The following PCBP3 variants were observed in gnomAD, a reference collection of about 807,000 sequenced individuals.
PCBP3 encodes poly(rC) binding protein 3, also known as poly(rC)-binding protein 3.
In PCBP3, 25 loss-of-function variants were observed where a neutral mutation model predicts 52.7. The ratio of observed to expected loss-of-function variants is 0.47; its 90% CI spans 0.35 to 0.66. The LOEUF (loss-of-function observed/expected upper bound fraction) is 0.66, where lower values mean the gene tolerates loss of function less well. Among genes scored for constraint, PCBP3 ranks in the 30% least tolerant of loss-of-function variants. The pLI, the probability that PCBP3 is intolerant of heterozygous loss-of-function variation, is 0.01. For missense variants in PCBP3, 391 were observed against 490.3 expected (o/e 0.80, Z 1.91); for synonymous variants, 162 against 183.0 (o/e 0.89, Z 0.93).
chr21:45,761,512 G>A (rs994753170), intron 4 of PCBP3: 1 of 152,230 alleles, frequency 6.6e-6, no homozygotes, highest in Non-Finnish European at 1.5e-5. Flanking sequence ...CCTGGACAGA[G>A]CATGTGACGG....
At chr21:45,863,636 G>A (rs915356078) in intron 5 of PCBP3, among the ~76,000 whole-genome samples, 14 of 152,216 alleles carry the variant, frequency 9.2e-5, no homozygotes, top group Non-Finnish European at 1.5e-4. Context: ...GGTGGAGAGC[G>A]AAGCACCACT....
chr21:45,674,360 G>A (rs926279161), intron 2 of PCBP3, among the ~76,000 whole-genome samples: 2 of 152,092 alleles, frequency 1.3e-5, no homozygotes, highest in African/African-American at 2.4e-5. Flanking sequence ...CTTTCGTTCC[G>A]AGATATAAAC....
intron 5 of PCBP3, among the ~76,000 whole-genome samples, chr21:45,867,587 G>T (rs1289570969): frequency 6.6e-6 from 1 of 152,250 alleles, no homozygotes; most frequent in Admixed American, 6.5e-5. Flanking sequence ...CCCTTGTGTT[G>T]TGCACAGACA....
intron 6 of PCBP3, among the ~76,000 whole-genome samples, chr21:45,898,679 C>T (rs1375784079): frequency 1.8e-5 from 1 of 54,664 alleles, no homozygotes; most frequent in African/African-American, 1.1e-4. Context: ...CTCCCTCTCC[C>T]TCCACGGGCC....
rs866764777 is a variant in PCBP3 at position 45,746,671 on chromosome 21, T to C, written c.-161-8746T>C. Among the ~76,000 whole-genome samples, 176 of 72,716 alleles carry C rather than the reference T, an allele frequency of 2.4e-3. 17 individuals carry two copies. The highest frequency in any genetic ancestry group is 2.6e-3 in the Non-Finnish European group (89 of 34,650). 47.7% of individuals were successfully genotyped at this position (72,716 alleles called of 152,430 possible). On this transcript the variant is annotated intron_variant, in intron 3 of 17. Transcript: ENST00000681687. ...GTCAGTCCACTGACGTAGCGCCACA[T>C]GGTGGTGTCAGCATCGCCGTGTCAG...
rs113689379 is a variant in PCBP3, at chr21:45,931,545, G to A, written c.856+700G>A. Among the ~76,000 whole-genome samples, 528 of 152,362 alleles carry A rather than the reference G, an allele frequency of 3.5e-3. 1 individual carries two copies. Among genetic ancestry groups the A allele is most frequent in the African/African-American group, 0.011 (455 of 41,580 alleles). ...ATGCTGCGGCCAGGAGACTTCCAGCGTGGGCTTGGACTGCAGGTTGGGGCA... is the reference window on the plus strand; with the variant it reads ...ATGCTGCGGCCAGGAGACTTCCAGCATGGGCTTGGACTGCAGGTTGGGGCA... On this transcript the variant is annotated intron_variant, in intron 15 of 17. Transcript: ENST00000681687.
At chr21:45,894,480 G>A (rs1024088899) in intron 5 of PCBP3, among the ~76,000 whole-genome samples, 3 of 151,952 alleles carry the variant, frequency 2.0e-5, no homozygotes, top group Non-Finnish European at 4.4e-5. Context: ...CTTATCTCAG[G>A]GTGCCCATGT....
At chr21:45,711,140 T>C (rs1321842105) in intron 2 of PCBP3, among the ~76,000 whole-genome samples, 1 of 152,232 alleles carries the variant, frequency 6.6e-6, no homozygotes, top group African/African-American at 2.4e-5. Context: ...TGGAGAATAA[T>C]ATAAGAAACC....
At chr21:45,887,635 G>A (rs761779945) in intron 5 of PCBP3, among the ~76,000 whole-genome samples, 10 of 152,246 alleles carry the variant, frequency 6.6e-5, no homozygotes, top group Admixed American at 3.3e-4. Flanking sequence ...GGTTTCCACT[G>A]GGCACCCAGG....
At chr21:45,809,129 GTA>G (rs1167634594) in intron 4 of PCBP3, among the ~76,000 whole-genome samples, 2 of 152,272 alleles carry the variant, frequency 1.3e-5, no homozygotes, top group East Asian at 3.9e-4. Context: ...CATGGCATGT[GTA>G]TACCTGTGTA....
chr21:45,930,248 G>T (rs537008256), intron 14 of PCBP3, among the ~76,000 whole-genome samples: 1 of 151,996 alleles, frequency 6.6e-6, no homozygotes, highest in African/African-American at 2.4e-5. Context: ...TGCTTGTGAA[G>T]AGACGTCTGC....
chr21:45,758,622 AATAAAT>A (rs2088305525), intron 4 of PCBP3, among the ~76,000 whole-genome samples: 1 of 152,156 alleles, frequency 6.6e-6, no homozygotes, highest in Non-Finnish European at 1.5e-5. Context: ...TAGTGTATAT[AATAAAT>A]ATAACTCATT....
At chr21:45,889,902 CT>C (rs1280253742) in intron 5 of PCBP3, among the ~76,000 whole-genome samples, 1 of 152,252 alleles carries the variant, frequency 6.6e-6, no homozygotes, top group African/African-American at 2.4e-5. Flanking sequence ...CCAAAGGGAG[CT>C]TTTAGAAGTC....
intron 5 of PCBP3, among the ~76,000 whole-genome samples, chr21:45,855,311 C>A (rs1366399881): frequency 6.6e-6 from 1 of 152,114 alleles, no homozygotes; most frequent in African/African-American, 2.4e-5. Flanking sequence ...ACGCAGGCTC[C>A]GGAAGCCCAC....
In PCBP3 at chr21:45,791,439, A is replaced by G. The variant is rs535473332; in HGVS notation, c.-126+35987A>G. Among the ~76,000 whole-genome samples the G allele has an allele frequency of 2.0e-5, 3 of 152,204 alleles. No individual in the cohort carries two copies. The East Asian group carries it at 5.8e-4, about 29-fold the overall frequency. On this transcript the variant is annotated intron_variant, in intron 4 of 17. Transcript: ENST00000681687. This position sits in a 1 kb window ranked among gnomAD's most constrained non-coding sequence, Gnocchi z 4.2. ...CAGAGTCTAGGCACGGAATTGACAG[A>G]GAGTGAGACTTTAATAGGGTGTGGC...
chr21:45,875,204 G>T (rs1042277564), intron 5 of PCBP3, among the ~76,000 whole-genome samples: 12 of 149,372 alleles, frequency 8.0e-5, no homozygotes, highest in Non-Finnish European at 1.3e-4. Context: ...CCTTCCACGC[G>T]GCGCGCTCCA....
At chr21:45,729,544 C>T (rs1449822795) in intron 2 of PCBP3, among the ~76,000 whole-genome samples, 1 of 152,162 alleles carries the variant, frequency 6.6e-6, no homozygotes, top group Admixed American at 6.5e-5. Context: ...TTCTCCAGGT[C>T]CTCACCAACA....
At chr21:45,847,985 C>T (rs2093851858) in intron 4 of PCBP3, among the ~76,000 whole-genome samples, 1 of 152,310 alleles carries the variant, frequency 6.6e-6, no homozygotes, top group African/African-American at 2.4e-5. Context: ...AGCTTCTCTG[C>T]GCGTCTCTCA....
At chr21:45,835,502 G>A (rs898148543) in intron 4 of PCBP3, among the ~76,000 whole-genome samples, 8 of 152,240 alleles carry the variant, frequency 5.3e-5, no homozygotes, top group African/African-American at 1.9e-4. Flanking sequence ...ACCTTAAGGA[G>A]CCCCTCTGCA....
Sources: gnomAD v4.1 joint callset for allele counts (sites outside exome capture counted in the v4.1 genomes callset) on GRCh38, gnomAD v4.1.1 for gene constraint, Gnocchi (gnomAD v3.1) non-coding constraint, MANE v1.5 for transcripts, NCBI Gene and HGNC (gene_info 2026-07-23, HGNC 2026-07-21) for gene names.